ARB2A: variants seen among roughly 807,000 people sequenced by gnomAD.
ARB2A encodes the protein ARB2 cotranscriptional regulator A.
At chr5:93,936,795 T>C in the ARB2A span, among the ~76,000 whole-genome samples, 3 of 152,108 alleles carry the variant, frequency 2.0e-5, no homozygotes. Flanking sequence ...GAGACAAAAA[T>C]TTTAATATAC....
chr5:93,908,935 G>A, the ARB2A span, among the ~76,000 whole-genome samples: 2 of 150,862 alleles, frequency 1.3e-5, no homozygotes, highest in South Asian at 4.2e-4. Flanking sequence ...GAAGAAGTTG[G>A]GAATTTATCT....
the ARB2A span, among the ~76,000 whole-genome samples, chr5:94,097,646 C>T: frequency 7.0e-6 from 1 of 142,612 alleles, no homozygotes; most frequent in Non-Finnish European, 1.6e-5. Context: ...GCCTCCCCAG[C>T]CACATGTAAC....
the ARB2A span, among the ~76,000 whole-genome samples, chr5:93,725,552 A>G: frequency 6.6e-6 from 1 of 152,214 alleles, no homozygotes; most frequent in East Asian, 1.9e-4. Context: ...AAACATGTTT[A>G]TCAATGAGAT....
chr5:93,901,059 T>C, the ARB2A span, among the ~76,000 whole-genome samples: 1 of 152,180 alleles, frequency 6.6e-6, no homozygotes, highest in Non-Finnish European at 1.5e-5. Flanking sequence ...TCCTTCTCCA[T>C]TCTTCCTCTA....
the ARB2A span, among the ~76,000 whole-genome samples, chr5:93,702,690 C>G: frequency 6.6e-6 from 1 of 152,120 alleles, no homozygotes; most frequent in African/African-American, 2.4e-5. Context: ...GGGCTTGATT[C>G]TCTTAACTCT....
At chr5:93,916,272 CA>C in the ARB2A span, among the ~76,000 whole-genome samples, 1 of 152,066 alleles carries the variant, frequency 6.6e-6, no homozygotes, top group Admixed American at 6.6e-5. Flanking sequence ...AGAATTTTAT[CA>C]GGGCAATAAC....
At chr5:93,984,776 T>G in the ARB2A span, among the ~76,000 whole-genome samples, 2 of 152,168 alleles carry the variant, frequency 1.3e-5, no homozygotes, top group Non-Finnish European at 2.9e-5. Context: ...ACAATACAGG[T>G]GCACAATACA....
chr5:93,945,214 G>A, the ARB2A span, among the ~76,000 whole-genome samples: 1 of 152,128 alleles, frequency 6.6e-6, no homozygotes, highest in Non-Finnish European at 1.5e-5. Flanking sequence ...AGGCTGAGGT[G>A]GGAGGATCAC....
chr5:93,723,667 A>G, the ARB2A span, among the ~76,000 whole-genome samples: 817 of 152,220 alleles, frequency 5.4e-3, 6 homozygotes, highest in African/African-American at 0.018. Context: ...GTCATATACA[A>G]GGAGCTAGTT....
the ARB2A span, among the ~76,000 whole-genome samples, chr5:93,936,703 C>T: frequency 6.6e-6 from 1 of 152,038 alleles, no homozygotes; most frequent in Non-Finnish European, 1.5e-5. Flanking sequence ...TAATTATATT[C>T]TTTCTTTTAA....
the ARB2A span, among the ~76,000 whole-genome samples, chr5:93,839,147 G>A: frequency 6.6e-6 from 1 of 152,152 alleles, no homozygotes; most frequent in East Asian, 1.9e-4. Context: ...TCCAGCTTTT[G>A]CCCATTCAGT....
chr5:93,934,733 C>T, the ARB2A span, among the ~76,000 whole-genome samples: 1 of 152,072 alleles, frequency 6.6e-6, no homozygotes, highest in Admixed American at 6.5e-5. Flanking sequence ...CACTTTGTAA[C>T]CAGGAGGAGA....
chr5:93,636,444 G>C, the ARB2A span, among the ~76,000 whole-genome samples: 1 of 152,124 alleles, frequency 6.6e-6, no homozygotes, highest in African/African-American at 2.4e-5. Context: ...CTCATGAGTG[G>C]AATTACTGCC....
At chr5:93,887,451 T>C in the ARB2A span, among the ~76,000 whole-genome samples, 1 of 151,788 alleles carries the variant, frequency 6.6e-6, no homozygotes, top group South Asian at 2.1e-4. Context: ...ATTTTATTAG[T>C]AGATACTAAG....
the ARB2A span, among the ~76,000 whole-genome samples, chr5:93,661,479 C>A: frequency 4.6e-5 from 7 of 152,276 alleles, no homozygotes; most frequent in Middle Eastern, 0.014. Flanking sequence ...TTACCCTACA[C>A]CTCCTATGCA....
At chr5:93,948,433 T>C in the ARB2A span, among the ~76,000 whole-genome samples, 2 of 152,156 alleles carry the variant, frequency 1.3e-5, no homozygotes, top group African/African-American at 2.4e-5. Flanking sequence ...GAGTAGGTTG[T>C]GAAAATTTTC....
the ARB2A span, among the ~76,000 whole-genome samples, chr5:93,943,671 T>C: frequency 6.6e-6 from 1 of 152,168 alleles, no homozygotes; most frequent in South Asian, 2.1e-4. Context: ...AATAGAAAGA[T>C]CTTGCAGTAT....
At chr5:93,771,482 G>T in the ARB2A span, among the ~76,000 whole-genome samples, 2 of 151,282 alleles carry the variant, frequency 1.3e-5, no homozygotes, top group African/African-American at 4.8e-5. Context: ...AAGAGCTTCT[G>T]CACAGCAAAA....
the ARB2A span, among the ~76,000 whole-genome samples, chr5:93,904,963 T>A: frequency 6.6e-6 from 1 of 151,666 alleles, no homozygotes; most frequent in Non-Finnish European, 1.5e-5. Flanking sequence ...CCAGGTAAGA[T>A]AATAAAGACT....
Sources: gnomAD v4.1 joint callset for allele counts (sites outside exome capture counted in the v4.1 genomes callset) on GRCh38, gnomAD v4.1.1 for gene constraint, MANE v1.5 for transcripts, NCBI Gene and HGNC (gene_info 2026-07-23, HGNC 2026-07-21) for gene names.